Variants in HDGFL2 observed in about 807,000 individuals in gnomAD.
HDGFL2 encodes hepatoma-derived growth factor-related protein 2.
HDGFL2 carries 36 observed loss-of-function variants against 77.1 expected under a neutral mutation model. That is an observed-to-expected ratio of 0.47 (90% CI 0.36 to 0.62). The LOEUF (loss-of-function observed/expected upper bound fraction) is 0.62, where lower values mean the gene tolerates loss of function less well. Among genes scored for constraint, HDGFL2 ranks in the 20% least tolerant of loss-of-function variants. The pLI is 0.00. For synonymous variants in HDGFL2, 463 were observed against 413.1 expected, an observed-to-expected ratio of 1.12 and a Z score of -1.46; for missense variants, 976 against 973.4, an observed-to-expected ratio of 1.00 and a Z score of -0.04.
chr19:4,474,599 T>G (rs1173967883), intron 1 of HDGFL2, among the ~76,000 whole-genome samples: 2 of 151,952 alleles, frequency 1.3e-5, no homozygotes, highest in African/African-American at 4.8e-5. Flanking sequence ...CGCGCTGACT[T>G]TCTTGGGGGA....
chr19:4,491,279 C>T (rs1975504250), intron 4 of HDGFL2, among the ~76,000 whole-genome samples: 3 of 132,704 alleles, frequency 2.3e-5, no homozygotes, highest in Non-Finnish European at 3.3e-5. Flanking sequence ...ACCCCCCCAC[C>T]CCCCCCGGCG....
chr19:4,480,961 A>G (rs1236987410), intron 3 of HDGFL2, among the ~76,000 whole-genome samples: 2 of 149,360 alleles, frequency 1.3e-5, no homozygotes, highest in African/African-American at 5.0e-5. Flanking sequence ...GGTTCAAGCT[A>G]TTCTCCTGCT....
intron 3 of HDGFL2, among the ~76,000 whole-genome samples, chr19:4,485,043 T>C (rs987974232): frequency 6.6e-6 from 1 of 152,094 alleles, no homozygotes; most frequent in African/African-American, 2.4e-5. Flanking sequence ...CCTGAGCTTA[T>C]GATCCACCTG....
chr19:4,472,941 G>C (rs1974982820), intron 1 of HDGFL2, among the ~76,000 whole-genome samples: 1 of 151,458 alleles, frequency 6.6e-6, no homozygotes, highest in Non-Finnish European at 1.5e-5. Context: ...TAGGGGTTCT[G>C]AGGGTGTCTG....
chr19:4,499,798 A>T (rs776348211), intron 14 of HDGFL2, 94 bp downstream of exon 14: 21 of 1,025,416 alleles, frequency 2.0e-5, no homozygotes, highest in Non-Finnish European at 2.6e-5. Context: ...GTACAGCTCT[A>T]CTCTCTGCCC....
chr19:4,494,092 C>T, intron 8 of HDGFL2, 35 bp downstream of exon 8: 1 of 1,538,894 alleles, frequency 6.5e-7, no homozygotes, highest in Non-Finnish European at 8.7e-7. Context: ...TCTGGCGGCT[C>T]CTCCATCGGC....
intron 3 of HDGFL2, among the ~76,000 whole-genome samples, chr19:4,483,343 C>T (rs1316215443): frequency 6.6e-6 from 1 of 152,170 alleles, no homozygotes; most frequent in Non-Finnish European, 1.5e-5. Flanking sequence ...GGCTCCCAGC[C>T]TCTCCTCCCG....
At chr19:4,499,743 C>G in intron 14 of HDGFL2, 39 bp downstream of exon 14, 1 of 1,430,212 alleles carries the variant, frequency 7.0e-7, no homozygotes, top group Non-Finnish European at 9.5e-7. Flanking sequence ...CCTCAGTCTC[C>G]TCAGCTGAAG....
intron 8 of HDGFL2, 22 bp from the exon 9 acceptor site, chr19:4,494,144 C>T (rs1246231521): frequency 6.7e-7 from 1 of 1,491,736 alleles, no homozygotes; most frequent in South Asian, 1.3e-5. Context: ...CGGAGGTCCC[C>T]AACCGCCCCC....
At chr19:4,481,976 C>T (rs912517161) in intron 3 of HDGFL2, among the ~76,000 whole-genome samples, 1 of 148,918 alleles carries the variant, frequency 6.7e-6, no homozygotes, top group Non-Finnish European at 1.5e-5. Flanking sequence ...CAGAAATGAG[C>T]TGTTCCCCTC....
chr19:4,496,365 AAGG>A lies in HDGFL2; in HGVS notation c.1291_1293del (p.Glu431del), dbSNP rs1441976509. ...AGAGCCCGCCAGGAAACCTGGCCAG[AAGG>A]AGAAGAGAGTGCGGCCCGAGGAGAA... On this transcript the variant is annotated inframe_deletion, in exon 10 of 16. Coordinates refer to ENST00000616600, the MANE Select transcript of HDGFL2 (RefSeq NM_001001520.3). The A allele has an allele frequency of 6.2e-6, 10 of 1,613,942 alleles. No individual in the cohort carries two copies. Among genetic ancestry groups the A allele is most frequent in the African/African-American group, 1.3e-5 (1 of 74,924 alleles).
chr19:4,472,964 C>T (rs1404414471), intron 1 of HDGFL2, among the ~76,000 whole-genome samples: 1 of 149,078 alleles, frequency 6.7e-6, no homozygotes, highest in Non-Finnish European at 1.5e-5. Context: ...GCCTGAGAGA[C>T]TCTCGCCCTT....
At chr19:4,479,872 C>T (rs1432645323) in intron 3 of HDGFL2, among the ~76,000 whole-genome samples, 1 of 149,680 alleles carries the variant, frequency 6.7e-6, no homozygotes, top group Admixed American at 6.7e-5. Flanking sequence ...TGCCACTGCA[C>T]TCCAGCCTGG....
At chr19:4,487,154 G>T (rs1470654005) in intron 3 of HDGFL2, among the ~76,000 whole-genome samples, 1 of 152,018 alleles carries the variant, frequency 6.6e-6, no homozygotes, top group East Asian at 1.9e-4. Flanking sequence ...TTTTAGTAGA[G>T]ACAGGGTTTC....
intron 14 of HDGFL2, 44 bp from the exon 15 acceptor site, chr19:4,501,147 A>C (rs1393414526): frequency 1.2e-6 from 2 of 1,610,878 alleles, no homozygotes; most frequent in East Asian, 4.5e-5. Context: ...TGGGGTGCCC[A>C]GCTGGAGCCC....
At chr19:4,498,278 CCA>C in intron 11 of HDGFL2, 26 bp from the exon 12 acceptor site, 1 of 1,600,454 alleles carries the variant, frequency 6.2e-7, no homozygotes, top group Non-Finnish European at 8.6e-7. Flanking sequence ...CTGCCTGGGC[CCA>C]CACGGTGCTC....
chr19:4,478,527 C>T (rs977672242), intron 3 of HDGFL2, among the ~76,000 whole-genome samples: 3 of 151,822 alleles, frequency 2.0e-5, no homozygotes, highest in Non-Finnish European at 4.4e-5. Context: ...ACAGCCTTAG[C>T]GCAACTACTA....
intron 3 of HDGFL2, among the ~76,000 whole-genome samples, chr19:4,481,875 G>A (rs1338818393): frequency 2.6e-5 from 4 of 151,978 alleles, no homozygotes; most frequent in Non-Finnish European, 4.4e-5. Flanking sequence ...GATGGTGGAG[G>A]GGATATTTGG....
At chr19:4,473,385 G>A (rs1010350926) in intron 1 of HDGFL2, among the ~76,000 whole-genome samples, 2 of 151,572 alleles carry the variant, frequency 1.3e-5, no homozygotes, top group African/African-American at 2.4e-5. Context: ...GGGGTGTCCA[G>A]GGTGCCTCAG....
Sources: gnomAD v4.1 joint callset for allele counts (sites outside exome capture counted in the v4.1 genomes callset) on GRCh38, gnomAD v4.1.1 for gene constraint, MANE v1.5 for transcripts, NCBI Gene and HGNC (gene_info 2026-07-23, HGNC 2026-07-21) for gene names.